The following KCNH1 variants were observed in gnomAD, a reference collection of about 807,000 sequenced individuals.
KCNH1 encodes the protein voltage-gated delayed rectifier potassium channel KCNH1.
Under a neutral mutation model 69.2 loss-of-function variants are expected in KCNH1, and 27 were observed. The observed-to-expected ratio is 0.39, with a 90% CI of 0.29 to 0.54. The LOEUF (loss-of-function observed/expected upper bound fraction) is 0.54, where lower values mean the gene tolerates loss of function less well. Ranked by LOEUF, KCNH1 falls within the 20% of genes least tolerant of loss-of-function variation. The probability of loss-of-function intolerance (pLI) is 0.68; values close to 1 mark genes in which losing one functional copy is unlikely to be tolerated. For synonymous variants in KCNH1, 456 were observed against 487.7 expected, an observed-to-expected ratio of 0.93 and a Z score of 0.86; for missense variants, 798 against 1,261.6, an observed-to-expected ratio of 0.63 and a Z score of 5.57.
rs1282624157 is a variant in KCNH1, at chr1:210,757,069, A to G, written c.2112+18279T>C. ...CTTGCTTTTGTGCTGCACCTCTTCC[A>G]ATTGGTGACTCTATTTCTCTGATCC... On this transcript the variant is annotated intron_variant, in intron 10 of 10. Coordinates refer to ENST00000271751, the MANE Select transcript of KCNH1 (RefSeq NM_172362.3). Among the ~76,000 whole-genome samples, 3 of 152,192 alleles carry G rather than the reference A, an allele frequency of 2.0e-5. No homozygotes were observed. The East Asian group carries it at 5.8e-4, about 29-fold the overall frequency.
At chr1:210,768,993 A>G (rs755924907) in intron 10 of KCNH1, among the ~76,000 whole-genome samples, 7 of 151,738 alleles carry the variant, frequency 4.6e-5, no homozygotes, top group Non-Finnish European at 1.0e-4. Context: ...CACTCACATC[A>G]TCTCTCCCCC....
chr1:210,750,759 C>G (rs1192163833), intron 10 of KCNH1, among the ~76,000 whole-genome samples: 1 of 152,106 alleles, frequency 6.6e-6, no homozygotes, highest in Non-Finnish European at 1.5e-5. Context: ...AGCCTCTTTC[C>G]AATGCCATCT....
At chr1:210,872,678 C>A (rs1686279110) in intron 7 of KCNH1, among the ~76,000 whole-genome samples, 1 of 151,996 alleles carries the variant, frequency 6.6e-6, no homozygotes, top group African/African-American at 2.4e-5. Flanking sequence ...TGGGGAGGTG[C>A]TACACACTTA....
At chr1:210,999,213 A>G (rs975298716) in intron 6 of KCNH1, among the ~76,000 whole-genome samples, 1 of 152,192 alleles carries the variant, frequency 6.6e-6, no homozygotes, top group African/African-American at 2.4e-5. Flanking sequence ...CAAAAAATCA[A>G]TGAATCCAGG....
At chr1:210,767,472 G>A (rs1295422844) in intron 10 of KCNH1, among the ~76,000 whole-genome samples, 4 of 152,214 alleles carry the variant, frequency 2.6e-5, no homozygotes, top group African/African-American at 9.7e-5. Context: ...CCACAAGTCA[G>A]TGATCATTTG....
chr1:210,748,880 A>C (rs1683221397), intron 10 of KCNH1, among the ~76,000 whole-genome samples: 1 of 152,126 alleles, frequency 6.6e-6, no homozygotes, highest in African/African-American at 2.4e-5. Context: ...TCAGGCCTGA[A>C]ACCTCCACTT....
At chr1:210,852,416 C>A (rs1055129987) in intron 7 of KCNH1, among the ~76,000 whole-genome samples, 1 of 152,196 alleles carries the variant, frequency 6.6e-6, no homozygotes, top group South Asian at 2.1e-4. Context: ...ATAGTAGGCC[C>A]TCAGTCAACA....
intron 6 of KCNH1, among the ~76,000 whole-genome samples, chr1:210,924,931 A>T (rs1237507231): frequency 6.6e-6 from 1 of 151,780 alleles, no homozygotes; most frequent in East Asian, 1.9e-4. Context: ...TGGAGACTAC[A>T]CTCCTGCACT....
At chr1:210,880,849 G>A (rs1047508075) in intron 7 of KCNH1, among the ~76,000 whole-genome samples, 4 of 151,848 alleles carry the variant, frequency 2.6e-5, no homozygotes, top group East Asian at 1.9e-4. Flanking sequence ...ACTGTTTCCC[G>A]CAATAAATAA....
At chr1:211,122,665 T>C (rs1430450048) in intron 1 of KCNH1, among the ~76,000 whole-genome samples, 1 of 152,224 alleles carries the variant, frequency 6.6e-6, no homozygotes, top group African/African-American at 2.4e-5. Context: ...AATGAGATCA[T>C]GTCCTTTGCA....
At chr1:210,701,599 C>T (rs1681782654) in intron 10 of KCNH1, among the ~76,000 whole-genome samples, 1 of 151,956 alleles carries the variant, frequency 6.6e-6, no homozygotes. Context: ...TTAATATAAC[C>T]CCTTCTTTTC....
intron 5 of KCNH1, among the ~76,000 whole-genome samples, chr1:211,023,163 TTAAAAA>T (rs1689621569): frequency 2.1e-5 from 2 of 94,956 alleles, no homozygotes; most frequent in African/African-American, 8.2e-5. Flanking sequence ...AATAAATAAA[TTAAAAA>T]TGCTGGTGAG....
At chr1:210,836,137 C>A (rs983205681) in intron 7 of KCNH1, among the ~76,000 whole-genome samples, 3 of 121,248 alleles carry the variant, frequency 2.5e-5, no homozygotes, top group South Asian at 2.6e-4. Flanking sequence ...AAAAAAATTT[C>A]TATATTGGGC....
chr1:210,687,048 A>G lies in KCNH1; in HGVS notation c.2113-2910T>C, dbSNP rs116204773. 7.7e-3 allele frequency among the ~76,000 whole-genome samples: 1,167 copies of G among 152,308 alleles called. 18 individuals are homozygous for G. The highest frequency in any genetic ancestry group is 0.027 in the African/African-American group (1,118 of 41,576). On this transcript the variant is annotated intron_variant, in intron 10 of 10. Coordinates refer to ENST00000271751, the MANE Select transcript of KCNH1 (RefSeq NM_172362.3). ...GAAGAAATCACAGAGGTCATAGTCA[A>G]TGTTATAAAAAGCAGGGTTTGGCCT...
intron 7 of KCNH1, among the ~76,000 whole-genome samples, chr1:210,841,879 C>A (rs1047187856): frequency 1.3e-5 from 2 of 152,092 alleles, no homozygotes; most frequent in African/African-American, 4.8e-5. Context: ...GTCTTTCAAT[C>A]CCATGCACAC....
intron 7 of KCNH1, among the ~76,000 whole-genome samples, chr1:210,817,749 G>C (rs974785036): frequency 5.3e-5 from 8 of 152,106 alleles, no homozygotes; most frequent in African/African-American, 1.4e-4. Context: ...AAGTAACTTG[G>C]CCAAAGTCAC....
chr1:211,120,070 T>C (rs1192629528), intron 1 of KCNH1, among the ~76,000 whole-genome samples: 1 of 152,202 alleles, frequency 6.6e-6, no homozygotes, highest in African/African-American at 2.4e-5. Context: ...GATATTTTAC[T>C]TAAGAAATAA....
chr1:210,943,425 T>G (rs1387448022), intron 6 of KCNH1, among the ~76,000 whole-genome samples: 3 of 152,150 alleles, frequency 2.0e-5, no homozygotes, highest in Non-Finnish European at 4.4e-5. Flanking sequence ...CTTGGCTCAC[T>G]GCAAGCTCTG....
At chr1:210,699,884 C>A (rs1681732355) in intron 10 of KCNH1, among the ~76,000 whole-genome samples, 1 of 152,148 alleles carries the variant, frequency 6.6e-6, no homozygotes, top group Non-Finnish European at 1.5e-5. Flanking sequence ...GGAATTTGAA[C>A]CTAGGTATGA....
Sources: gnomAD v4.1 joint callset for allele counts (sites outside exome capture counted in the v4.1 genomes callset) on GRCh38, gnomAD v4.1.1 for gene constraint, MANE v1.5 for transcripts, NCBI Gene and HGNC (gene_info 2026-07-23, HGNC 2026-07-21) for gene names.